The following CSMD2 variants were observed in gnomAD, a reference collection of about 807,000 sequenced individuals.
The protein encoded by CSMD2 is CUB and Sushi multiple domains 2.
In CSMD2, 130 loss-of-function variants were observed where a neutral mutation model predicts 398.5. The observed-to-expected ratio is 0.33, with a 90% CI of 0.28 to 0.38. CSMD2 has a LOEUF of 0.38. CSMD2 is among the 10% of genes least tolerant of loss of function. The probability of loss-of-function intolerance (pLI) is 1.00; values close to 1 mark genes in which losing one functional copy is unlikely to be tolerated. For missense variants in CSMD2, 3,829 were observed against 4,764.9 expected, an observed-to-expected ratio of 0.80 and a Z score of 5.78; for synonymous variants, 1,828 against 1,908.5, an observed-to-expected ratio of 0.96 and a Z score of 1.10.
intron 24 of CSMD2, among the ~76,000 whole-genome samples, chr1:33,695,925 C>T (rs1645406646): frequency 6.6e-6 from 1 of 152,196 alleles, no homozygotes; most frequent in South Asian, 2.1e-4. Flanking sequence ...TCCTTTGTGT[C>T]TGCATTACAA....
chr1:33,779,223 T>C (rs1652386378), intron 12 of CSMD2, among the ~76,000 whole-genome samples: 1 of 150,914 alleles, frequency 6.6e-6, no homozygotes, highest in African/African-American at 2.4e-5. Context: ...TCTTTGGCCA[T>C]CAGCGACCTT....
intron 6 of CSMD2, among the ~76,000 whole-genome samples, chr1:33,846,104 A>C (rs1040065238): frequency 6.6e-6 from 1 of 152,260 alleles, no homozygotes; most frequent in African/African-American, 2.4e-5. Context: ...AATGTCGAAA[A>C]GGAATGTGCT....
chr1:34,158,957 C>T (rs190676168), intron 1 of CSMD2, among the ~76,000 whole-genome samples: 1 of 152,178 alleles, frequency 6.6e-6, no homozygotes, highest in African/African-American at 2.4e-5. Flanking sequence ...CTGGGGCTGC[C>T]TCCTACTTGA....
chr1:33,606,579 C>T (rs1048281137), intron 41 of CSMD2, among the ~76,000 whole-genome samples: 3 of 152,178 alleles, frequency 2.0e-5, no homozygotes, highest in South Asian at 2.1e-4. Context: ...CCCTGCAGCA[C>T]GGGGGTTTGG....
At chr1:34,045,042 C>T (rs1370097) in intron 2 of CSMD2, among the ~76,000 whole-genome samples, 590 of 8,378 alleles carry the variant, frequency 0.07, no homozygotes, top group Non-Finnish European at 0.11. Context: ...ACACCATACA[C>T]ACACACACAC....
intron 2 of CSMD2, among the ~76,000 whole-genome samples, chr1:34,074,010 A>G (rs1399810821): frequency 6.6e-6 from 1 of 152,200 alleles, no homozygotes; most frequent in Non-Finnish European, 1.5e-5. Flanking sequence ...GGTGCCCCAC[A>G]CTTAAATAAC....
intron 5 of CSMD2, among the ~76,000 whole-genome samples, chr1:33,847,481 T>C (rs554087901): frequency 6.6e-6 from 1 of 152,128 alleles, no homozygotes; most frequent in South Asian, 2.1e-4. Flanking sequence ...CAGTGTGACC[T>C]TGGACCTGTT....
chr1:33,606,198 G>A (rs991937924), intron 41 of CSMD2, among the ~76,000 whole-genome samples: 1 of 152,136 alleles, frequency 6.6e-6, no homozygotes, highest in Non-Finnish European at 1.5e-5. Flanking sequence ...TTGATGAATT[G>A]GGTCCACAGG....
intron 5 of CSMD2, among the ~76,000 whole-genome samples, chr1:33,852,185 G>A (rs1638758368): frequency 6.6e-6 from 1 of 152,100 alleles, no homozygotes. Context: ...CGCCAATTGT[G>A]GCCAAGTCTT....
intron 5 of CSMD2, among the ~76,000 whole-genome samples, chr1:33,860,096 C>T (rs1639380574): frequency 6.6e-6 from 1 of 152,176 alleles, no homozygotes; most frequent in Admixed American, 6.5e-5. Context: ...AGCAATGGTA[C>T]AGTACTATTA....
intron 5 of CSMD2, chr1:33,862,788 G>A (rs985234034): frequency 3.9e-5 from 6 of 152,150 alleles, no homozygotes; most frequent in African/African-American, 1.4e-4. Flanking sequence ...GGCTTAGGTA[G>A]GCCAGCCACC....
chr1:33,786,410 G>C (rs912644384), intron 12 of CSMD2, among the ~76,000 whole-genome samples: 2 of 152,170 alleles, frequency 1.3e-5, no homozygotes, highest in South Asian at 2.1e-4. Flanking sequence ...GTGAGTGACA[G>C]GGCTTGGACC....
At chr1:33,942,353 T>C (rs1644702439) in intron 3 of CSMD2, among the ~76,000 whole-genome samples, 1 of 152,230 alleles carries the variant, frequency 6.6e-6, no homozygotes, top group African/African-American at 2.4e-5. Flanking sequence ...TGCATTCTCC[T>C]GAGGGAGAGG....
At chr1:34,150,452 G>T (rs1442891754) in intron 1 of CSMD2, among the ~76,000 whole-genome samples, 1 of 152,114 alleles carries the variant, frequency 6.6e-6, no homozygotes, top group Non-Finnish European at 1.5e-5. Flanking sequence ...ATTAGACTAG[G>T]TTTAAATCCA....
intron 55 of CSMD2, among the ~76,000 whole-genome samples, chr1:33,551,365 T>A (rs1657427579): frequency 6.6e-6 from 1 of 152,220 alleles, no homozygotes; most frequent in Non-Finnish European, 1.5e-5. Context: ...TTAACAAGAT[T>A]ATACTGGCTA....
At chr1:33,662,141 C>T (rs1166308429) in intron 26 of CSMD2, among the ~76,000 whole-genome samples, 1 of 152,168 alleles carries the variant, frequency 6.6e-6, no homozygotes, top group Admixed American at 6.5e-5. Flanking sequence ...GATGTTTGAG[C>T]ATTGGCCATT....
chr1:33,729,445 G>C (rs544421807), intron 15 of CSMD2, among the ~76,000 whole-genome samples: 1 of 150,156 alleles, frequency 6.7e-6, no homozygotes, highest in East Asian at 1.9e-4. Context: ...GATTTGGAGG[G>C]GAGGATTCTT....
intron 3 of CSMD2, among the ~76,000 whole-genome samples, chr1:33,943,803 T>C (rs1361528862): frequency 1.3e-5 from 2 of 152,112 alleles, no homozygotes. Flanking sequence ...GTATTCTTTA[T>C]ATATCTAGCA....
chr1:33,932,028 G>A (rs574112733), intron 4 of CSMD2, among the ~76,000 whole-genome samples: 5 of 152,280 alleles, frequency 3.3e-5, no homozygotes, highest in South Asian at 2.1e-4. Context: ...CATGGGGGCC[G>A]ATGATGCGAT....
Sources: allele counts gnomAD v4.1 joint callset (sites outside exome capture counted in the v4.1 genomes callset), GRCh38; gene constraint gnomAD v4.1.1; transcripts MANE v1.5; gene names NCBI Gene and HGNC (gene_info 2026-07-23, HGNC 2026-07-21).